The following TPTE2 variants were observed in gnomAD, a reference collection of about 807,000 sequenced individuals.
TPTE2 encodes the protein phosphatidylinositol 3,4,5-trisphosphate 3-phosphatase TPTE2.
In TPTE2, 53 loss-of-function variants were observed where a neutral mutation model predicts 78.6. That is an observed-to-expected ratio of 0.67 (90% CI 0.54 to 0.85). TPTE2 has a LOEUF of 0.85. Among genes scored for constraint, TPTE2 ranks in the 40% least tolerant of loss-of-function variants. TPTE2 has a pLI of 0.00. For missense variants in TPTE2, 461 were observed against 623.0 expected (o/e 0.74, Z 2.77); for synonymous variants, 175 against 206.2 (o/e 0.85, Z 1.30).
At chr13:19,472,458 T>A (rs898026382) in intron 6 of TPTE2, among the ~76,000 whole-genome samples, 2 of 152,240 alleles carry the variant, frequency 1.3e-5, no homozygotes, top group Non-Finnish European at 2.9e-5. Context: ...TCTAATGCAT[T>A]CTTTGGTGTG....
At chr13:19,430,747 T>G (rs1480304438) in intron 16 of TPTE2, among the ~76,000 whole-genome samples, 200 bp from the exon 20 acceptor site, 1 of 152,222 alleles carries the variant, frequency 6.6e-6, no homozygotes, top group Non-Finnish European at 1.5e-5. Context: ...AAGCAGATTT[T>G]ATAAGATGAG....
chr13:19,532,861 T>C (rs1470285302), intron 1 of TPTE2, among the ~76,000 whole-genome samples: 1 of 152,122 alleles, frequency 6.6e-6, no homozygotes, highest in African/African-American at 2.4e-5. Context: ...CAGAAAATAT[T>C]GTAAAGGAGA....
At chr13:19,497,564 T>C (rs9508199) in intron 1 of TPTE2, among the ~76,000 whole-genome samples, 7,702 of 59,868 alleles carry the variant, frequency 0.13, 1,790 homozygotes, top group Middle Eastern at 0.23. Flanking sequence ...TGGCAGGGTA[T>C]TCCAACAGAC....
intron 1 of TPTE2, among the ~76,000 whole-genome samples, chr13:19,497,165 G>C (rs988606738): frequency 2.0e-5 from 3 of 151,630 alleles, no homozygotes; most frequent in Non-Finnish European, 2.9e-5. Context: ...ACGGAGTCTC[G>C]CTGATTGCTA....
At chr13:19,436,934 A>T (rs1439846370) in intron 14 of TPTE2, among the ~76,000 whole-genome samples, 1 of 151,986 alleles carries the variant, frequency 6.6e-6, no homozygotes, top group African/African-American at 2.4e-5. Flanking sequence ...ACAGGCCTGG[A>T]ATACAGGTCC....
rs71092363 is a variant in TPTE2, at chr13:19,467,353, T to TAA, written c.393-11_393-10dup. On this transcript the variant is annotated splice_polypyrimidine_tract_variant and intron_variant, in intron 6 of 19. Transcript: ENST00000400230. The stretch of plus-strand genomic sequence containing the variant: ...AAAAATACTGCTGTCTCCTGTAATA[T>TAA]AAAAAAAAAAAAAAAAAAGTTCATT... 1.9e-4 allele frequency: 231 copies of TAA among 1,193,226 alleles called. No homozygotes were observed. The highest frequency in any genetic ancestry group is 4.5e-4 in the South Asian group (20 of 44,274). The allele number at this position is 1,193,226 out of a possible 1,614,324, so 73.9% of individuals were successfully genotyped here. A position where few individuals can be genotyped will look rare whatever the true frequency, so the allele number is the denominator to read the frequency against.
At chr13:19,549,002 C>T in the TPTE2 span, among the ~76,000 whole-genome samples, 1 of 151,864 alleles carries the variant, frequency 6.6e-6, no homozygotes, top group Non-Finnish European at 1.5e-5. Context: ...GCCCCTGTAT[C>T]CCAGCTACTT....
At chr13:19,493,389 G>C in intron 2 of TPTE2, 59 bp downstream of exon 5, 2 of 1,491,900 alleles carry the variant, frequency 1.3e-6, no homozygotes, top group South Asian at 1.1e-5. Flanking sequence ...CTGTGTGTGT[G>C]TATAGTTCTA....
At chr13:19,495,835 CTTTTG>C (rs779997168) in intron 1 of TPTE2, among the ~76,000 whole-genome samples, 13 of 151,976 alleles carry the variant, frequency 8.6e-5, no homozygotes, top group African/African-American at 2.7e-4. Flanking sequence ...ATTCCAATTG[CTTTTG>C]TTTTGTTTTT....
At chr13:19,497,885 G>C (rs1403675866) in intron 1 of TPTE2, among the ~76,000 whole-genome samples, 2 of 151,236 alleles carry the variant, frequency 1.3e-5, no homozygotes, top group Non-Finnish European at 3.0e-5. Context: ...CAAAGGCAAA[G>C]AAGTTGAAAA....
At chr13:19,438,323 G>T in intron 13 of TPTE2, 170 bp from the exon 17 acceptor site, 3 of 985,276 alleles carry the variant, frequency 3.0e-6, no homozygotes, top group Non-Finnish European at 3.6e-6. Context: ...TGCAACCTCC[G>T]CCTCACAGGT....
At chr13:19,507,595 G>A (rs989543960), upstream of TPTE2, among the ~76,000 whole-genome samples, 2 of 152,152 alleles carry the variant, frequency 1.3e-5, no homozygotes, top group Middle Eastern at 3.2e-3. Flanking sequence ...TTAATTAAAC[G>A]AAATTTTCCC....
chr13:19,553,358 A>G, the TPTE2 span, among the ~76,000 whole-genome samples: 2 of 152,338 alleles, frequency 1.3e-5, no homozygotes, highest in South Asian at 2.1e-4. Flanking sequence ...GTAAAATGGT[A>G]CAATCACCTT....
At chr13:19,488,756 C>T (rs1227321350) in intron 3 of TPTE2, among the ~76,000 whole-genome samples, 1 of 152,228 alleles carries the variant, frequency 6.6e-6, no homozygotes, top group Non-Finnish European at 1.5e-5. Context: ...GATTAGCAAT[C>T]AGACTGTTTT....
the TPTE2 span, among the ~76,000 whole-genome samples, chr13:19,547,726 T>C: frequency 2.4e-4 from 35 of 144,488 alleles, no homozygotes; most frequent in South Asian, 1.5e-3. Context: ...TATACATATA[T>C]ATATATATAT....
intron 15 of TPTE2, among the ~76,000 whole-genome samples, chr13:19,436,022 T>G (rs912329750): frequency 2.0e-5 from 3 of 152,134 alleles, no homozygotes; most frequent in Admixed American, 6.6e-5. Flanking sequence ...CAGGATTCTC[T>G]GAGGAGAAGC....
intron 17 of TPTE2, among the ~76,000 whole-genome samples, chr13:19,426,887 T>C (rs1876139225): frequency 6.6e-6 from 1 of 151,478 alleles, no homozygotes; most frequent in South Asian, 2.1e-4. Context: ...GAATTTTTAG[T>C]AGAGATGGGG....
intron 1 of TPTE2, among the ~76,000 whole-genome samples, chr13:19,516,416 C>A (rs1282320556): frequency 6.6e-6 from 1 of 152,172 alleles, no homozygotes; most frequent in Non-Finnish European, 1.5e-5. Context: ...ATATGAGGAT[C>A]AAGCATTGGG....
At chr13:19,511,024 C>T (rs904949073) in intron 1 of TPTE2, among the ~76,000 whole-genome samples, 1 of 152,196 alleles carries the variant, frequency 6.6e-6, no homozygotes, top group East Asian at 1.9e-4. Context: ...TGATGAGATG[C>T]AGACTGGTGT....
Sources: allele counts gnomAD v4.1 joint callset (sites outside exome capture counted in the v4.1 genomes callset), GRCh38; gene constraint gnomAD v4.1.1; transcripts MANE v1.5; gene names NCBI Gene and HGNC (gene_info 2026-07-23, HGNC 2026-07-21).